LRRC4B: variants seen among roughly 807,000 people sequenced by gnomAD.
LRRC4B encodes the protein leucine-rich repeat-containing protein 4B.
LRRC4B carries 1 observed loss-of-function variant against 7.3 expected under a neutral mutation model. That is an observed-to-expected ratio of 0.14 (90% CI 0.05 to 0.65). The LOEUF (loss-of-function observed/expected upper bound fraction) is 0.65. LRRC4B is among the 30% of genes least tolerant of loss of function. LRRC4B has a pLI of 0.84. For missense variants in LRRC4B, 730 were observed against 1,041.6 expected (o/e 0.70, Z 4.12); for synonymous variants, 500 against 499.2 (o/e 1.00, Z -0.02).
chr19:50,527,512 A>G (rs1980864665), intron 2 of LRRC4B, among the ~76,000 whole-genome samples: 1 of 151,556 alleles, frequency 6.6e-6, no homozygotes, highest in Admixed American at 6.6e-5. Context: ...TTTTGATGAT[A>G]CAATATACTT....
chr19:50,524,562 TA>T (rs1320438544), intron 2 of LRRC4B, among the ~76,000 whole-genome samples: 1 of 152,144 alleles, frequency 6.6e-6, no homozygotes, highest in African/African-American at 2.4e-5. Flanking sequence ...CCCACATGTG[TA>T]ATTTTAAATT....
chr19:50,532,718 G>A (rs1981111388), intron 2 of LRRC4B, among the ~76,000 whole-genome samples: 1 of 152,202 alleles, frequency 6.6e-6, no homozygotes. Flanking sequence ...TCTAGGCTGT[G>A]AGTTGGTGTG....
At chr19:50,528,293 A>G (rs2122806030) in intron 2 of LRRC4B, among the ~76,000 whole-genome samples, 1 of 151,692 alleles carries the variant, frequency 6.6e-6, no homozygotes, top group East Asian at 1.9e-4. Context: ...CTCTTGCCTC[A>G]GCCTCCCAAA....
At chr19:50,520,346 A>G (rs572122928) in intron 2 of LRRC4B, among the ~76,000 whole-genome samples, 77 of 150,452 alleles carry the variant, frequency 5.1e-4, no homozygotes, top group Non-Finnish European at 1.0e-3. Context: ...AATTTTGGGG[A>G]CGGCCAGGCA....
intron 1 of LRRC4B, among the ~76,000 whole-genome samples, chr19:50,562,900 C>T (rs1419465511): frequency 1.3e-5 from 2 of 152,014 alleles, no homozygotes; most frequent in African/African-American, 4.8e-5. Context: ...ACCACCACAC[C>T]TGGCTGATTT....
chr19:50,524,804 C>A (rs999415259), intron 2 of LRRC4B, among the ~76,000 whole-genome samples: 1 of 152,198 alleles, frequency 6.6e-6, no homozygotes, highest in Non-Finnish European at 1.5e-5. Context: ...TCAGTAGCAA[C>A]GCATGCAGTC....
intron 2 of LRRC4B, among the ~76,000 whole-genome samples, chr19:50,520,203 C>CAA (rs1173919963): frequency 2.1e-4 from 2 of 9,382 alleles, no homozygotes; most frequent in Non-Finnish European, 3.8e-4. Flanking sequence ...AATACCCTGT[C>CAA]AAAAAAAAAA....
chr19:50,545,174 G>A (rs554597980), intron 2 of LRRC4B, among the ~76,000 whole-genome samples: 69 of 151,050 alleles, frequency 4.6e-4, no homozygotes, highest in African/African-American at 1.5e-3. Flanking sequence ...TTGGGAGTCC[G>A]AGGCGGGCAG....
At chr19:50,522,569 C>T (rs1398765045) in intron 2 of LRRC4B, among the ~76,000 whole-genome samples, 4 of 152,100 alleles carry the variant, frequency 2.6e-5, no homozygotes, top group African/African-American at 7.2e-5. Context: ...CTCTGCCTGC[C>T]GGGTTCAAGT....
chr19:50,527,058 A>G (rs1192348970), intron 2 of LRRC4B, among the ~76,000 whole-genome samples: 1 of 142,602 alleles, frequency 7.0e-6, no homozygotes, highest in Non-Finnish European at 1.5e-5. Flanking sequence ...TTTGAGACAG[A>G]GTCTCGCTCT....
chr19:50,520,154 C>T (rs1435527114), intron 2 of LRRC4B, among the ~76,000 whole-genome samples: 4 of 114,812 alleles, frequency 3.5e-5, no homozygotes, highest in African/African-American at 1.4e-4. Flanking sequence ...TGCAGTGAGC[C>T]CTGATCACGC....
rs564693084 is a variant in LRRC4B at position 50,563,752 on chromosome 19, C to G, written c.-36+4192G>C. Among the ~76,000 whole-genome samples the G allele has an allele frequency of 6.6e-6, 1 of 152,230 alleles. No individual in the cohort carries two copies. The highest frequency in any genetic ancestry group is 2.1e-4 in the South Asian group (1 of 4,834). On this transcript the variant is annotated intron_variant, in intron 1 of 2. Transcript: ENST00000652263. The surrounding 1 kb of genome is among the most constrained non-coding windows in gnomAD (Gnocchi z 4.9). Reference sequence around the variant, plus strand: ...GACAGGCTGCAACATGGTGCCTTCACGCAACGCTGACTTTCCAACACTGTG... The same window carrying G: ...GACAGGCTGCAACATGGTGCCTTCAGGCAACGCTGACTTTCCAACACTGTG...
At chr19:50,534,364 G>A (rs1479327174) in intron 2 of LRRC4B, among the ~76,000 whole-genome samples, 5 of 152,176 alleles carry the variant, frequency 3.3e-5, no homozygotes, top group African/African-American at 9.7e-5. Context: ...CACAGAGTAG[G>A]ATGGGCAAGG....
intron 1 of LRRC4B, among the ~76,000 whole-genome samples, chr19:50,560,953 C>T (rs1298465649): frequency 6.6e-6 from 1 of 152,034 alleles, no homozygotes; most frequent in East Asian, 1.9e-4. Flanking sequence ...TAGCCAGGCG[C>T]TGTGGTGCGT....
intron 2 of LRRC4B, among the ~76,000 whole-genome samples, chr19:50,530,605 C>T (rs992453720): frequency 6.6e-6 from 1 of 152,218 alleles, no homozygotes; most frequent in Non-Finnish European, 1.5e-5. Flanking sequence ...GTGAAAGGAC[C>T]TCACAACGTC....
Position 50,563,334 on chromosome 19 carries a change from G to A in LRRC4B, c.-36+4610C>T, listed in dbSNP as rs1279648170. ...AGCCCAGCCTCAGGAACTGGGACTC[G>A]AAGGGAAGGGAGGTTCTCCCCAGTG... On this transcript the variant is annotated intron_variant, in intron 1 of 2. Transcript: ENST00000652263. This position sits in a 1 kb window ranked among gnomAD's most constrained non-coding sequence, Gnocchi z 4.9. Among the ~76,000 whole-genome samples, 1 of 152,216 alleles carries A rather than the reference G, an allele frequency of 6.6e-6. No homozygotes were observed. The highest frequency in any genetic ancestry group is 1.5e-5 in the Non-Finnish European group (1 of 68,038).
At position 50,544,807 on chromosome 19, in the gene LRRC4B, C is replaced by T. The variant is rs540865776; in HGVS notation, c.297+3735G>A. On this transcript the variant is annotated intron_variant, in intron 2 of 2. Coordinates refer to ENST00000652263, the MANE Select transcript of LRRC4B (RefSeq NM_001080457.2). ...AGGTGGTTTATACCTGTAATCCCAG[C>T]ACTTTGGGAGGCCAAGGTGGGTGAA... 2.0e-5 allele frequency among the ~76,000 whole-genome samples: 3 copies of T among 152,140 alleles called. No individual in the cohort carries two copies. In the South Asian group the frequency reaches 6.2e-4, roughly 32 times the overall value.
At chr19:50,557,033 G>A (rs762467593) in intron 1 of LRRC4B, among the ~76,000 whole-genome samples, 1 of 152,166 alleles carries the variant, frequency 6.6e-6, no homozygotes, top group Non-Finnish European at 1.5e-5. Flanking sequence ...ACCCCTCTGA[G>A]TGGACTGGAG....
intron 2 of LRRC4B, among the ~76,000 whole-genome samples, chr19:50,542,305 G>T (rs1390416211): frequency 6.6e-6 from 1 of 152,090 alleles, no homozygotes; most frequent in Non-Finnish European, 1.5e-5. Context: ...TGGAGGCGAA[G>T]ATCTGCACCC....
Sources: allele counts gnomAD v4.1 joint callset (sites outside exome capture counted in the v4.1 genomes callset), GRCh38; gene constraint gnomAD v4.1.1; non-coding constraint Gnocchi (gnomAD v3.1); transcripts MANE v1.5; gene names NCBI Gene and HGNC (gene_info 2026-07-23, HGNC 2026-07-21).